The following GGT1 variants were observed in gnomAD, a reference collection of about 807,000 sequenced individuals.
GGT1 encodes the protein glutathione hydrolase 1 proenzyme.
A neutral mutation model predicts 56.0 loss-of-function variants in GGT1; 21 were observed. That is an observed-to-expected ratio of 0.38 (90% CI 0.27 to 0.54). GGT1 has a LOEUF of 0.54. Among genes scored for constraint, GGT1 ranks in the 20% least tolerant of loss-of-function variants. The pLI, the probability that GGT1 is intolerant of heterozygous loss-of-function variation, is 0.82. For missense variants in GGT1, 466 were observed against 787.0 expected, an observed-to-expected ratio of 0.59 and a Z score of 4.88; for synonymous variants, 238 against 342.6, an observed-to-expected ratio of 0.69 and a Z score of 3.37.
In GGT1 at chr22:24,620,194, A is replaced by G. The variant is rs1156947879; in HGVS notation, c.383-134A>G. 3 of 1,211,656 alleles carry G rather than the reference A, an allele frequency of 2.5e-6. No homozygotes were observed. The African/African-American group carries it at 4.5e-5, about 18-fold the overall frequency. 75.1% of individuals were successfully genotyped at this position (1,211,656 alleles called of 1,614,324 possible). A position where few individuals can be genotyped will look rare whatever the true frequency, so the allele number is the denominator to read the frequency against. On this transcript the variant is annotated intron_variant, in intron 7 of 15. Transcript: ENST00000400382. This position sits in a 1 kb window ranked among gnomAD's most constrained non-coding sequence, Gnocchi z 5.6. Reference sequence around the variant, plus strand: ...GGCAAGACCCCAACTCAAAAAAGAAAAAAAAAAAATCTTTCCTCCTAAGCC... The same window carrying G: ...GGCAAGACCCCAACTCAAAAAAGAAGAAAAAAAAATCTTTCCTCCTAAGCC...
At chr22:24,598,667 C>T (rs55674735), upstream of GGT1, among the ~76,000 whole-genome samples, 930 of 152,212 alleles carry the variant, frequency 6.1e-3, 7 homozygotes, top group South Asian at 0.016. Context: ...GATCCTCCCC[C>T]CTCAGCCTCC....
At chr22:24,617,358 G>T (rs2047135898) in intron 7 of GGT1, among the ~76,000 whole-genome samples, 1 of 152,180 alleles carries the variant, frequency 6.6e-6, no homozygotes, top group Non-Finnish European at 1.5e-5. Context: ...TCTGCTTCCT[G>T]TCTGAGGGAA....
Position 24,628,238 on chromosome 22 carries a change from GC to G in GGT1, c.1450-32del, listed in dbSNP as rs773513992. ...TCCCTGGCCGTGCCCACCCTGCACA[GC>G]CCCCAAGCCATGCTGATCACACTCC... On this transcript the variant is annotated intron_variant, in intron 14 of 15. Coordinates refer to ENST00000400382, the MANE Select transcript of GGT1 (RefSeq NM_001288833.2). This position sits in a 1 kb window ranked among gnomAD's most constrained non-coding sequence, Gnocchi z 5.7. 6.2e-7 allele frequency: 1 copy of G among 1,612,010 alleles called. No homozygotes were observed. Among genetic ancestry groups the G allele is most frequent in the Admixed American group, 1.7e-5 (1 of 60,018 alleles).
chr22:24,587,908 G>A, the GGT1 span, among the ~76,000 whole-genome samples: 4 of 152,108 alleles, frequency 2.6e-5, no homozygotes, highest in African/African-American at 9.7e-5. Flanking sequence ...CACCTTGGCT[G>A]TTGGGTGGAG....
In GGT1 at chr22:24,623,124, G is replaced by A. The variant is rs1295294055; in HGVS notation, c.751G>A (p.Glu251Lys). 2 of 1,611,666 alleles carry A rather than the reference G, an allele frequency of 1.2e-6. No individual in the cohort carries two copies. Among genetic ancestry groups the A allele is most frequent in the African/African-American group, 2.7e-5 (2 of 74,840 alleles). The part of the protein sequence containing the change: ...IQAAGGIVTA[E>K]DLNNYRAELI... ...CATTGCAGGGGGCATTGTGACAGCT[G>A]AGGACCTGAACAACTACCGTGCTGA... The change falls in exon 10 of 16, where the codon GAG becomes AAG. Residue 251 changes from glutamate to lysine, a missense_variant. Coordinates refer to ENST00000400382, the MANE Select transcript of GGT1 (RefSeq NM_001288833.2).
intron 11 of GGT1, chr22:24,624,810 T>A (rs1310724720): frequency 8.1e-5 from 15 of 184,294 alleles, no homozygotes; most frequent in Non-Finnish European, 2.0e-5. Flanking sequence ...TGTCCTTTGC[T>A]CCTCTTAGAG....
chr22:24,592,248 A>C, upstream of GGT1: 1 of 461,408 alleles, frequency 2.2e-6, no homozygotes, highest in South Asian at 1.6e-5. Context: ...CCACCACCGG[A>C]CCGAGTGTTG....
At chr22:24,624,702 T>C in intron 11 of GGT1, 2 of 983,358 alleles carry the variant, frequency 2.0e-6, no homozygotes, top group Non-Finnish European at 2.4e-6. Context: ...CCTACAATGC[T>C]CCTTTCTGCC....
intron 5 of GGT1, among the ~76,000 whole-genome samples, chr22:24,612,289 T>C (rs1011835720): frequency 6.7e-6 from 1 of 148,786 alleles, no homozygotes; most frequent in Non-Finnish European, 1.5e-5. Context: ...TTTCTTTCTT[T>C]CTTTTTTTTT....
rs576126084 is a variant in GGT1 at position 24,628,130 on chromosome 22, C to T, written c.1386C>T (p.Asp462=). 13 of 1,611,990 alleles carry T rather than the reference C, an allele frequency of 8.1e-6. No individual in the cohort carries two copies. The highest frequency in any genetic ancestry group is 6.7e-5 in the African/African-American group (5 of 74,966). Residue 462 remains aspartate, a synonymous_variant, in exon 14 of 16, where the codon GAC becomes GAT. Coordinates refer to ENST00000400382, the MANE Select transcript of GGT1 (RefSeq NM_001288833.2). The surrounding 1 kb of genome is among the most constrained non-coding windows in gnomAD (Gnocchi z 5.7). ...SMCPTIMVGQ[D]GQVRMVVGAA... is the part of the protein sequence containing the mutation. ...GCCCGACGATCATGGTGGGCCAGGACGGCCAGGTCCGGATGGTGGTGGGAG... is the reference window on the plus strand; with the variant it reads ...GCCCGACGATCATGGTGGGCCAGGATGGCCAGGTCCGGATGGTGGTGGGAG...
In GGT1 at chr22:24,620,661, A is replaced by G. The variant is rs1279616545; in HGVS notation, c.575+141A>G. 4.1e-6 allele frequency: 6 copies of G among 1,476,780 alleles called. No individual in the cohort carries two copies. Among genetic ancestry groups the G allele is most frequent in the South Asian group, 2.8e-5 (2 of 70,768 alleles). The allele number at this position is 1,476,780 out of a possible 1,614,324, so 91.5% of individuals were successfully genotyped here. A position where few individuals can be genotyped will look rare whatever the true frequency, so the allele number is the denominator to read the frequency against. On this transcript the variant is annotated intron_variant, in intron 8 of 15. Coordinates refer to ENST00000400382, the MANE Select transcript of GGT1 (RefSeq NM_001288833.2). The surrounding 1 kb of genome is among the most constrained non-coding windows in gnomAD (Gnocchi z 5.6). Reference sequence around the variant, plus strand: ...GGATGAGGAGATACAGACCCTTCCCACCACGTGTGGGGACACATTCTGAGC... The same window carrying G: ...GGATGAGGAGATACAGACCCTTCCCGCCACGTGTGGGGACACATTCTGAGC...
chr22:24,616,766 C>T (rs950124812), intron 7 of GGT1, among the ~76,000 whole-genome samples: 1 of 151,848 alleles, frequency 6.6e-6, no homozygotes, highest in Non-Finnish European at 1.5e-5. Context: ...AGGCTGGTCT[C>T]GATCTCCTGA....
At chr22:24,609,452 A>T (rs1254196773) in intron 2 of GGT1, 1 of 155,534 alleles carries the variant, frequency 6.4e-6, no homozygotes, top group Non-Finnish European at 1.4e-5. Context: ...GAATCACACT[A>T]TCGGCCCCAG....
chr22:24,623,878 A>G lies in GGT1; in HGVS notation c.982A>G (p.Thr328Ala). 1.2e-6 allele frequency: 2 copies of G among 1,611,428 alleles called. No homozygotes were observed. The highest frequency in any genetic ancestry group is 2.2e-5 in the East Asian group (1 of 44,854). Residue 328 changes from threonine (T) to alanine (A), a missense_variant, in exon 11 of 16, where the codon ACC becomes GCC. Thr to Ala is a moderately conservative substitution (Grantham distance 58, BLOSUM62 0). Coordinates refer to ENST00000400382, the MANE Select transcript of GGT1 (RefSeq NM_001288833.2). ...EAFRFAYAKR[T>A]LLGDPKFVDV... ...TTTCCGGTTTGCCTACGCCAAGAGG[A>G]CCCTGCTTGGGGACCCCAAGTTTGT...
chr22:24,584,972 G>GC, the GGT1 span, among the ~76,000 whole-genome samples: 1 of 151,970 alleles, frequency 6.6e-6, no homozygotes, highest in East Asian at 1.9e-4. Context: ...GGACTACTCT[G>GC]CCCCCAAGGC....
chr22:24,592,959 G>A, upstream of GGT1: 4 of 1,203,508 alleles, frequency 3.3e-6, no homozygotes, highest in Non-Finnish European at 4.1e-6. Context: ...GGCGCTCGTA[G>A]GGCGCGGGCC....
intron 2 of GGT1, among the ~76,000 whole-genome samples, chr22:24,608,736 C>A (rs2046475034): frequency 6.6e-6 from 1 of 152,234 alleles, no homozygotes; most frequent in South Asian, 2.1e-4. Context: ...TGCCTCACTG[C>A]AACCTCCACC....
chr22:24,589,059 C>T, the GGT1 span: 1 of 1,030,440 alleles, frequency 9.7e-7, no homozygotes, highest in Non-Finnish European at 1.2e-6. Flanking sequence ...TGGCCGTGGG[C>T]TAGGCGCAGA....
chr22:24,604,203 G>T (rs2045887545), intron 1 of GGT1, among the ~76,000 whole-genome samples: 1 of 151,944 alleles, frequency 6.6e-6, no homozygotes, highest in Non-Finnish European at 1.5e-5. Context: ...GTAAGGGGTG[G>T]GTGGGTCCTG....
Sources: gnomAD v4.1 joint callset for allele counts (sites outside exome capture counted in the v4.1 genomes callset) on GRCh38, gnomAD v4.1.1 for gene constraint, Gnocchi (gnomAD v3.1) non-coding constraint, MANE v1.5 for transcripts, NCBI Gene and HGNC (gene_info 2026-07-23, HGNC 2026-07-21) for gene names.